The following KANK1 variants were observed in gnomAD, a reference collection of about 807,000 sequenced individuals.
KANK1 encodes the protein KN motif and ankyrin repeat domains 1.
A neutral mutation model predicts 106.2 loss-of-function variants in KANK1; 109 were observed. The ratio of observed to expected loss-of-function variants is 1.03; its 90% CI spans 0.88 to 1.20. KANK1 has a LOEUF of 1.20. Ranked by LOEUF, KANK1 falls within the 50% of genes most tolerant of loss-of-function variation. The pLI is 0.00. For missense variants in KANK1, 2,399 were observed against 1,710.7 expected (o/e 1.40, Z -7.10); for synonymous variants, 873 against 652.2 (o/e 1.34, Z -5.16).
chr9:480,943 A>G (rs1201251813), intron 3 of KANK1, among the ~76,000 whole-genome samples: 2 of 152,196 alleles, frequency 1.3e-5, no homozygotes, highest in African/African-American at 2.4e-5. Context: ...TTGGCTTACC[A>G]TGGGGCTACT....
chr9:519,159 G>T (rs1053295402), intron 1 of KANK1, among the ~76,000 whole-genome samples: 1 of 151,590 alleles, frequency 6.6e-6, no homozygotes, highest in African/African-American at 2.4e-5. Context: ...CAAAGTGCTG[G>T]GATTATAGGC....
At chr9:541,884 T>C (rs956345964) in intron 1 of KANK1, among the ~76,000 whole-genome samples, 1 of 150,404 alleles carries the variant, frequency 6.6e-6, no homozygotes, top group Admixed American at 6.6e-5. Flanking sequence ...GGTCAGGAGA[T>C]CGAGACCATC....
intron 1 of KANK1, among the ~76,000 whole-genome samples, chr9:569,895 G>C (rs1818741080): frequency 6.6e-6 from 1 of 150,636 alleles, no homozygotes; most frequent in South Asian, 2.1e-4. Context: ...ATTTTTCTCT[G>C]TTCTCAACCT....
Position 712,469 on chromosome 9 carries a change from G to C in KANK1, c.1703G>C (p.Trp568Ser). ...GTAGGGCCTGAGCTGCCTATGAATT[G>C]GTGGATTGTTAAGGAGAGGGTGGAA... is the stretch of plus-strand genomic sequence containing the variant. The part of the protein sequence containing the change: ...KVVGPELPMN[W>S]WIVKERVEMH... The change falls in exon 3 of 12, where the codon TGG (tryptophan) becomes TCG (serine). Residue 568 changes from tryptophan (W) to serine (S), a missense_variant. Transcript: ENST00000382297. The C allele has an allele frequency of 1.2e-6, 2 of 1,614,164 alleles. No individual in the cohort carries two copies. The highest frequency in any genetic ancestry group is 1.7e-6 in the Non-Finnish European group (2 of 1,180,038).
intron 1 of KANK1, 25 bp downstream of exon 1, chr9:504,779 C>CCCGCCCCGTGCCGCGCT (rs1554723204): frequency 7.1e-6 from 1 of 140,820 alleles, no homozygotes; most frequent in Admixed American, 6.8e-5. Flanking sequence ...GGGGCCGTGC[C>CCCGCCCCGTGCCGCGCT]GCGCCCCGTG....
In KANK1 at chr9:603,086, T is replaced by C. The variant is rs113084379; in HGVS notation, c.-83-73804T>C. On this transcript the variant is annotated intron_variant, in intron 1 of 11. Transcript: ENST00000382297. ...TTACATATGGGGAAAGAGTCTCTTA[T>C]TCTCTTTTGGAATATAGATCTAAGA... Among the ~76,000 whole-genome samples the C allele has an allele frequency of 1.6e-3, 242 of 151,998 alleles. 12 individuals are homozygous for C. The highest frequency in any genetic ancestry group is 5.5e-3 in the African/African-American group (227 of 41,258).
At chr9:637,230 A>C (rs775798886) in intron 1 of KANK1, among the ~76,000 whole-genome samples, 3 of 152,136 alleles carry the variant, frequency 2.0e-5, no homozygotes, top group African/African-American at 4.8e-5. Flanking sequence ...AACACTACCA[A>C]GTAGTCTCAT....
intron 1 of KANK1, among the ~76,000 whole-genome samples, chr9:557,901 C>T (rs1815268396): frequency 1.3e-5 from 2 of 152,160 alleles, no homozygotes; most frequent in Admixed American, 6.5e-5. Flanking sequence ...GCGACTTGGG[C>T]GGCTGAGGTA....
At chr9:507,676 C>G (rs1447600549) in intron 1 of KANK1, among the ~76,000 whole-genome samples, 1 of 151,836 alleles carries the variant, frequency 6.6e-6, no homozygotes, top group Non-Finnish European at 1.5e-5. Context: ...CGTGCCTCAG[C>G]CTCCCGAGTA....
intron 1 of KANK1, among the ~76,000 whole-genome samples, chr9:633,059 T>A (rs779414790): frequency 6.6e-6 from 1 of 152,088 alleles, no homozygotes; most frequent in South Asian, 2.1e-4. Flanking sequence ...CCACATCTTA[T>A]GAGGTTTCCT....
chr9:540,096 C>T (rs899853837), intron 1 of KANK1, among the ~76,000 whole-genome samples: 2 of 152,280 alleles, frequency 1.3e-5, no homozygotes, highest in African/African-American at 2.4e-5. Flanking sequence ...TAAGAGTGGG[C>T]ATCCTGTTTT....
intron 5 of KANK1, chr9:731,625 T>C (rs892036475): frequency 1.9e-5 from 3 of 157,690 alleles, no homozygotes; most frequent in African/African-American, 7.2e-5. Flanking sequence ...AGCATCACTC[T>C]CTGGGCCAAC....
chr9:603,600 C>T (rs1236330157), intron 1 of KANK1, among the ~76,000 whole-genome samples: 1 of 151,758 alleles, frequency 6.6e-6, no homozygotes, highest in African/African-American at 2.4e-5. Context: ...AGTTCTAGAA[C>T]AGCAAAATAT....
At chr9:723,938 G>GAAAA (rs34095663) in intron 3 of KANK1, among the ~76,000 whole-genome samples, 1 of 135,226 alleles carries the variant, frequency 7.4e-6, no homozygotes, top group African/African-American at 2.8e-5. Context: ...TTAAAAATAC[G>GAAAA]AAAAAAAAAA....
chr9:733,081 C>G (rs1246508171), intron 6 of KANK1: 1 of 153,498 alleles, frequency 6.5e-6, no homozygotes, highest in African/African-American at 2.4e-5. Context: ...ATATCACTTA[C>G]ATGTTTGTAT....
chr9:485,692 G>T (rs1198030851), intron 3 of KANK1, among the ~76,000 whole-genome samples: 2 of 152,086 alleles, frequency 1.3e-5, no homozygotes, highest in African/African-American at 4.8e-5. Flanking sequence ...GGCCAACATG[G>T]TGGAACCTCA....
rs1365107679 is a variant in KANK1 at position 713,386 on chromosome 9, A to C, written c.2620A>C (p.Asn874His). 2 of 1,613,902 alleles carry C rather than the reference A, an allele frequency of 1.2e-6. No homozygotes were observed. Among genetic ancestry groups the C allele is most frequent in the Middle Eastern group, 1.7e-4 (1 of 6,040 alleles). The change falls in exon 3 of 12, where the codon AAC becomes CAC. Residue 874 changes from asparagine (N) to histidine (H), a missense_variant. Asn to His is a moderately conservative substitution (Grantham distance 68). Coordinates refer to ENST00000382297, the MANE Select transcript of KANK1 (RefSeq NM_015158.5). ...GCTCATCAGCACCCTGTCGTCTATC[A>C]ACTCTGTCATGAAATCTGCAAGCAC... ...SQLISTLSSI[N>H]SVMKSASTEE...
At chr9:530,882 G>A (rs1331505876) in intron 1 of KANK1, among the ~76,000 whole-genome samples, 1 of 152,158 alleles carries the variant, frequency 6.6e-6, no homozygotes, top group East Asian at 1.9e-4. Context: ...CAGCTACTTG[G>A]CAGGCTGAGG....
chr9:617,835 A>G (rs1484408667), intron 1 of KANK1, among the ~76,000 whole-genome samples: 1 of 152,232 alleles, frequency 6.6e-6, no homozygotes, highest in Non-Finnish European at 1.5e-5. Context: ...AGTAGGCTCC[A>G]TGTAAGACTT....
Sources: allele counts gnomAD v4.1 joint callset (sites outside exome capture counted in the v4.1 genomes callset), GRCh38; gene constraint gnomAD v4.1.1; transcripts MANE v1.5; gene names NCBI Gene and HGNC (gene_info 2026-07-23, HGNC 2026-07-21).